Variants in PDK1 observed in about 807,000 individuals in gnomAD.
PDK1 encodes pyruvate dehydrogenase kinase 1.
PDK1 carries 39 observed loss-of-function variants against 54.2 expected under a neutral mutation model. That is an observed-to-expected ratio of 0.72 (90% CI 0.56 to 0.94). The LOEUF (loss-of-function observed/expected upper bound fraction) is 0.94, where lower values mean the gene tolerates loss of function less well. Among genes scored for constraint, PDK1 ranks in the 40% least tolerant of loss-of-function variants. The pLI is 0.00. For missense variants in PDK1, 552 were observed against 566.0 expected (o/e 0.98, Z 0.25); for synonymous variants, 221 against 207.1 (o/e 1.07, Z -0.58).
At chr2:172,648,484 C>A in the PDK1 span, among the ~76,000 whole-genome samples, 1 of 152,170 alleles carries the variant, frequency 6.6e-6, no homozygotes. Flanking sequence ...CTGGGTTCAT[C>A]TCACTGTGGC....
chr2:172,719,257 G>A, the PDK1 span, among the ~76,000 whole-genome samples: 1 of 152,290 alleles, frequency 6.6e-6, no homozygotes, highest in East Asian at 1.9e-4. Flanking sequence ...TGGAGGTTAT[G>A]AATAGTCACT....
At chr2:172,698,762 A>G in the PDK1 span, among the ~76,000 whole-genome samples, 1 of 152,224 alleles carries the variant, frequency 6.6e-6, no homozygotes, top group Non-Finnish European at 1.5e-5. Context: ...TTGACTACAC[A>G]TTAGAACCAC....
At chr2:172,595,526 C>T (rs568283566) in intron 10 of PDK1, among the ~76,000 whole-genome samples, 1 of 152,294 alleles carries the variant, frequency 6.6e-6, no homozygotes, top group East Asian at 1.9e-4. Flanking sequence ...CTTCAGTTAG[C>T]CAACTCTGAT....
the PDK1 span, among the ~76,000 whole-genome samples, chr2:172,624,555 A>G: frequency 2.6e-5 from 4 of 152,308 alleles, no homozygotes; most frequent in South Asian, 2.1e-4. Context: ...ATTGTCTTCC[A>G]TGAAACCAGT....
the PDK1 span, among the ~76,000 whole-genome samples, chr2:172,696,583 G>A: frequency 1.4e-4 from 22 of 152,252 alleles, no homozygotes; most frequent in East Asian, 2.5e-3. Flanking sequence ...CATAATATGC[G>A]TTAGTATGAT....
chr2:172,665,600 T>G, the PDK1 span, among the ~76,000 whole-genome samples: 4 of 152,178 alleles, frequency 2.6e-5, no homozygotes, highest in Non-Finnish European at 5.9e-5. Flanking sequence ...TGAAGCCCCT[T>G]AACCTCACTT....
At chr2:172,629,275 C>G in the PDK1 span, among the ~76,000 whole-genome samples, 1 of 152,242 alleles carries the variant, frequency 6.6e-6, no homozygotes, top group Non-Finnish European at 1.5e-5. Flanking sequence ...AACATGCATT[C>G]CTGTTTTCCT....
chr2:172,662,975 G>T, the PDK1 span, among the ~76,000 whole-genome samples: 1 of 152,208 alleles, frequency 6.6e-6, no homozygotes, highest in African/African-American at 2.4e-5. Flanking sequence ...CTGATGTGGG[G>T]ACATATTCAA....
intron 1 of PDK1, 81 bp from the exon 2 acceptor site, chr2:172,558,627 C>T (rs1277556977): frequency 7.9e-7 from 1 of 1,269,170 alleles, no homozygotes; most frequent in South Asian, 1.5e-5. Context: ...CGGATAACTT[C>T]CTCTCTATTT....
At chr2:172,631,872 G>A in the PDK1 span, among the ~76,000 whole-genome samples, 1,412 of 152,172 alleles carry the variant, frequency 9.3e-3, 17 homozygotes, top group African/African-American at 0.032. Flanking sequence ...ATTTGTATAC[G>A]AATACTCTTC....
At chr2:172,632,528 G>C in the PDK1 span, among the ~76,000 whole-genome samples, 1 of 152,108 alleles carries the variant, frequency 6.6e-6, no homozygotes, top group African/African-American at 2.4e-5. Context: ...CATTTTGCCA[G>C]TTCTAATATG....
chr2:172,579,208 T>A (rs978323726), intron 8 of PDK1, among the ~76,000 whole-genome samples: 1 of 152,166 alleles, frequency 6.6e-6, no homozygotes, highest in African/African-American at 2.4e-5. Flanking sequence ...ATTAATCAGT[T>A]ACTTCTAATT....
At chr2:172,692,962 CA>C in the PDK1 span, among the ~76,000 whole-genome samples, 1 of 152,186 alleles carries the variant, frequency 6.6e-6, no homozygotes, top group South Asian at 2.1e-4. Flanking sequence ...ACAGAATTTG[CA>C]AAAGCATCCA....
the PDK1 span, among the ~76,000 whole-genome samples, chr2:172,652,767 T>C: frequency 6.6e-6 from 1 of 152,172 alleles, no homozygotes; most frequent in Non-Finnish European, 1.5e-5. Context: ...TTACAAGGGA[T>C]GTGAAGGACC....
In PDK1 at chr2:172,598,470, T is replaced by C. The variant is rs1307807608; in HGVS notation, c.*2501T>C. On this transcript the variant is annotated 3_prime_UTR_variant, in exon 11 of 11. Transcript: ENST00000282077. The stretch of plus-strand genomic sequence containing the variant: ...TGTGCCACCTGAAAGGTTTTTAGAT[T>C]TTATAGGAGCTAATTTGTCCACCAG... 1 of 152,200 alleles carries C rather than the reference T, an allele frequency of 6.6e-6. No homozygotes were observed. Among genetic ancestry groups the C allele is most frequent in the Non-Finnish European group, 1.5e-5 (1 of 68,042 alleles). 9.4% of individuals were successfully genotyped at this position (152,200 alleles called of 1,614,324 possible).
At chr2:172,626,941 T>A in the PDK1 span, among the ~76,000 whole-genome samples, 17 of 152,078 alleles carry the variant, frequency 1.1e-4, no homozygotes, top group African/African-American at 3.9e-4. Flanking sequence ...TGAACACTTA[T>A]GAAAGACATA....
At chr2:172,613,848 T>C in the PDK1 span, among the ~76,000 whole-genome samples, 1 of 152,148 alleles carries the variant, frequency 6.6e-6, no homozygotes, top group Admixed American at 6.5e-5. Flanking sequence ...ACCGCAGCTG[T>C]AGACCCTCCT....
the PDK1 span, among the ~76,000 whole-genome samples, chr2:172,687,346 T>TA: frequency 7.8e-4 from 117 of 150,906 alleles, no homozygotes; most frequent in African/African-American, 2.4e-3. Flanking sequence ...TTTTTTTTTT[T>TA]AAAAAAACAT....
the PDK1 span, among the ~76,000 whole-genome samples, chr2:172,713,605 C>T: frequency 1.4e-4 from 21 of 152,368 alleles, 1 homozygote; most frequent in African/African-American, 5.0e-4. Flanking sequence ...AGCACCTGGG[C>T]TTGGTCACAA....
Sources: allele counts gnomAD v4.1 joint callset (sites outside exome capture counted in the v4.1 genomes callset), GRCh38; gene constraint gnomAD v4.1.1; transcripts MANE v1.5; gene names NCBI Gene and HGNC (gene_info 2026-07-23, HGNC 2026-07-21).